The following KCNIP4 variants were observed in gnomAD, a reference collection of about 807,000 sequenced individuals.
KCNIP4 encodes Kv channel-interacting protein 4.
A neutral mutation model predicts 34.0 loss-of-function variants in KCNIP4; 12 were observed. The observed-to-expected ratio is 0.35, with a 90% CI of 0.23 to 0.57. The LOEUF is 0.57. KCNIP4 is among the 20% of genes least tolerant of loss of function. The probability of loss-of-function intolerance (pLI) is 0.83; values close to 1 mark genes in which losing one functional copy is unlikely to be tolerated. For missense variants in KCNIP4, 238 were observed against 311.7 expected (o/e 0.76, Z 1.78); for synonymous variants, 124 against 102.2 (o/e 1.21, Z -1.29).
chr4:21,138,325 G>A (rs745798138), intron 1 of KCNIP4, among the ~76,000 whole-genome samples: 12 of 151,754 alleles, frequency 7.9e-5, no homozygotes, highest in Non-Finnish European at 1.8e-4. Context: ...TTTTCTTATT[G>A]TACTTATACC....
At chr4:21,619,518 G>C (rs1261483875) in intron 1 of KCNIP4, among the ~76,000 whole-genome samples, 1 of 152,128 alleles carries the variant, frequency 6.6e-6, no homozygotes, top group African/African-American at 2.4e-5. Flanking sequence ...TTGCAGCTTT[G>C]CTCATTATTT....
chr4:21,501,276 G>GCACA (rs1180238316), intron 1 of KCNIP4, among the ~76,000 whole-genome samples: 42 of 121,386 alleles, frequency 3.5e-4, no homozygotes, highest in East Asian at 1.3e-3. Flanking sequence ...ACACACACAT[G>GCACA]CCATGTCCTA....
chr4:21,226,456 G>A (rs28650166), intron 1 of KCNIP4, among the ~76,000 whole-genome samples: 3 of 151,718 alleles, frequency 2.0e-5, no homozygotes, highest in South Asian at 2.1e-4. Flanking sequence ...AATTATGAAC[G>A]TGAAATTTGT....
At chr4:21,095,736 A>C (rs1747406463) in intron 1 of KCNIP4, among the ~76,000 whole-genome samples, 1 of 152,076 alleles carries the variant, frequency 6.6e-6, no homozygotes, top group Non-Finnish European at 1.5e-5. Flanking sequence ...ATGTGACTTT[A>C]TTTCATTTTA....
chr4:21,881,585 A>G (rs1278972663), intron 1 of KCNIP4, among the ~76,000 whole-genome samples: 1 of 152,136 alleles, frequency 6.6e-6, no homozygotes, highest in Non-Finnish European at 1.5e-5. Flanking sequence ...TATCAGAACT[A>G]TACAGTAATT....
In KCNIP4 at chr4:20,988,000, C is replaced by CAAAAAAAAAAAAAAAAAAAAAAAAA. The variant is rs36044149; in HGVS notation, c.62-105292_62-105291insTTTTTTTTTTTTTTTTTTTTTTTTT. Among the ~76,000 whole-genome samples, 65 of 46,308 alleles carry CAAAAAAAAAAAAAAAAAAAAAAAAA rather than the reference C, an allele frequency of 1.4e-3. 3 individuals are homozygous for CAAAAAAAAAAAAAAAAAAAAAAAAA. The highest frequency in any genetic ancestry group is 0.015 in the Middle Eastern group (1 of 66). 30.4% of individuals were successfully genotyped at this position (46,308 alleles called of 152,430 possible). ...TGGGCGACACGGCGAGATTCCATCT[C>CAAAAAAAAAAAAAAAAAAAAAAAAA]AAAAAAAAAAAAAAAAAAAAAATTA... On this transcript the variant is annotated intron_variant, in intron 1 of 8. Coordinates refer to ENST00000382152, the MANE Select transcript of KCNIP4 (RefSeq NM_025221.6).
At chr4:21,930,860 C>T (rs1384574012) in intron 1 of KCNIP4, among the ~76,000 whole-genome samples, 1 of 152,036 alleles carries the variant, frequency 6.6e-6, no homozygotes, top group Non-Finnish European at 1.5e-5. Context: ...TCCACATGTC[C>T]CTCTCTCCCA....
At chr4:20,883,954 C>T (rs972456628) in intron 1 of KCNIP4, among the ~76,000 whole-genome samples, 2 of 152,156 alleles carry the variant, frequency 1.3e-5, no homozygotes, top group African/African-American at 4.8e-5. Context: ...GAGTCTCTGG[C>T]AGCATTTGCA....
intron 1 of KCNIP4, among the ~76,000 whole-genome samples, chr4:21,920,606 C>A (rs1728886557): frequency 6.6e-6 from 1 of 152,024 alleles, no homozygotes; most frequent in Admixed American, 6.5e-5. Context: ...TGTACCCCAA[C>A]CTATTGAAAT....
At chr4:21,804,898 C>T (rs1721205519) in intron 1 of KCNIP4, among the ~76,000 whole-genome samples, 1 of 152,094 alleles carries the variant, frequency 6.6e-6, no homozygotes, top group African/African-American at 2.4e-5. Context: ...ACGCTAAGAA[C>T]AAATTTATAC....
At chr4:21,856,177 A>C (rs943663152) in intron 1 of KCNIP4, among the ~76,000 whole-genome samples, 1 of 152,314 alleles carries the variant, frequency 6.6e-6, no homozygotes, top group South Asian at 2.1e-4. Flanking sequence ...TATCACCAGA[A>C]GACTTCACTC....
chr4:21,912,089 C>T (rs574785945), intron 1 of KCNIP4, among the ~76,000 whole-genome samples: 9 of 152,012 alleles, frequency 5.9e-5, no homozygotes, highest in South Asian at 2.1e-4. Flanking sequence ...GATAACTCAC[C>T]GAGAGCATCC....
intron 1 of KCNIP4, among the ~76,000 whole-genome samples, chr4:21,703,363 A>C (rs2109065408): frequency 6.6e-6 from 1 of 152,292 alleles, no homozygotes; most frequent in South Asian, 2.1e-4. Context: ...AGAATCTATA[A>C]AAATTAAAAT....
chr4:21,496,505 G>C (rs1732861796), intron 1 of KCNIP4, among the ~76,000 whole-genome samples: 1 of 152,176 alleles, frequency 6.6e-6, no homozygotes, highest in African/African-American at 2.4e-5. Flanking sequence ...TCTTGATCTT[G>C]GTTTGGCTTT....
chr4:21,652,348 C>T (rs1747562158), intron 1 of KCNIP4, among the ~76,000 whole-genome samples: 2 of 152,288 alleles, frequency 1.3e-5, no homozygotes, highest in African/African-American at 4.8e-5. Flanking sequence ...CCCACCACCT[C>T]TTTTGGTACC....
intron 1 of KCNIP4, among the ~76,000 whole-genome samples, chr4:21,080,340 A>G (rs1745897155): frequency 6.6e-6 from 1 of 151,934 alleles, no homozygotes; most frequent in Admixed American, 6.6e-5. Context: ...CAAACACTAT[A>G]GAAGTGTACG....
intron 1 of KCNIP4, among the ~76,000 whole-genome samples, chr4:21,058,245 G>A (rs1170058516): frequency 1.3e-5 from 2 of 152,108 alleles, no homozygotes; most frequent in Non-Finnish European, 2.9e-5. Context: ...TATATGGTGA[G>A]TCCAAAGATT....
intron 1 of KCNIP4, among the ~76,000 whole-genome samples, chr4:21,626,403 C>A (rs910730934): frequency 1.3e-5 from 2 of 151,432 alleles, no homozygotes; most frequent in Non-Finnish European, 2.9e-5. Context: ...TTTTTTCACC[C>A]CCTAAGTGTG....
chr4:20,802,276 T>TATATATATATGCAATATATATATGCA (rs201516840), intron 3 of KCNIP4, among the ~76,000 whole-genome samples: 2 of 121,880 alleles, frequency 1.6e-5, no homozygotes, highest in South Asian at 2.8e-4. Context: ...ATATATATGC[T>TATATATATATGCAATATATATATGCA]ATATATATAT....
Sources: gnomAD v4.1 joint callset for allele counts (sites outside exome capture counted in the v4.1 genomes callset) on GRCh38, gnomAD v4.1.1 for gene constraint, MANE v1.5 for transcripts, NCBI Gene and HGNC (gene_info 2026-07-23, HGNC 2026-07-21) for gene names.